The following DAB1 variants were observed in gnomAD, a reference collection of about 807,000 sequenced individuals.
The protein encoded by DAB1 is disabled homolog 1.
Under a neutral mutation model 64.6 loss-of-function variants are expected in DAB1, and 15 were observed. The observed-to-expected ratio is 0.23, with a 90% CI of 0.16 to 0.36. The LOEUF (loss-of-function observed/expected upper bound fraction) is 0.36, where lower values mean the gene tolerates loss of function less well. Among genes scored for constraint, DAB1 ranks in the 10% least tolerant of loss-of-function variants. The pLI, the probability that DAB1 is intolerant of heterozygous loss-of-function variation, is 1.00. For synonymous variants in DAB1, 235 were observed against 251.9 expected, an observed-to-expected ratio of 0.93 and a Z score of 0.64; for missense variants, 596 against 706.7, an observed-to-expected ratio of 0.84 and a Z score of 1.78.
chr1:57,242,030 T>C (rs1243213760), intron 2 of DAB1, among the ~76,000 whole-genome samples: 1 of 152,004 alleles, frequency 6.6e-6, no homozygotes, highest in African/African-American at 2.4e-5. Flanking sequence ...CATAGAAGAG[T>C]CTGTTTGAGT....
At chr1:58,300,606 AAGAAAGAGAGAGAGAGAGAG>A (rs1424436983) in intron 4 of DAB1, among the ~76,000 whole-genome samples, 31 of 37,996 alleles carry the variant, frequency 8.2e-4, no homozygotes, top group African/African-American at 1.6e-3. Flanking sequence ...GAAAGAAAGA[AAGAAAGAGAGAGAGAGAGAG>A]AGAGAGAGAG....
chr1:58,346,676 T>C (rs374742270), intron 3 of DAB1, among the ~76,000 whole-genome samples: 6 of 152,342 alleles, frequency 3.9e-5, no homozygotes, highest in African/African-American at 1.2e-4. Context: ...GTTCTAATGA[T>C]GAGAAGCTCA....
At position 58,128,869 on chromosome 1, in the gene DAB1, T is replaced by C. The variant is rs1235525182; in HGVS notation, n.387+21642A>G. ...CTGGATTTGTTTTGCTAGTATTTTATTGAGGATTTTTGCATCAATGTTCAT... is the reference window on the plus strand; with the variant it reads ...CTGGATTTGTTTTGCTAGTATTTTACTGAGGATTTTTGCATCAATGTTCAT... On this transcript the variant is annotated intron_variant and non_coding_transcript_variant, in intron 5 of 20. Coordinates refer to the DAB1 transcript ENST00000485760. Among the ~76,000 whole-genome samples the C allele has an allele frequency of 1.6e-4, 24 of 150,526 alleles. No homozygotes were observed. The East Asian group carries it at 2.8e-3, about 17-fold the overall frequency.
At chr1:58,277,688 A>T (rs1661482868) in intron 4 of DAB1, among the ~76,000 whole-genome samples, 1 of 152,304 alleles carries the variant, frequency 6.6e-6, no homozygotes, top group African/African-American at 2.4e-5. Flanking sequence ...GAGAGAGAAA[A>T]TATATAATTT....
At chr1:57,746,396 A>G (rs1240907025) in intron 6 of DAB1, among the ~76,000 whole-genome samples, 3 of 152,102 alleles carry the variant, frequency 2.0e-5, no homozygotes, top group African/African-American at 7.2e-5. Flanking sequence ...TTAAATACTC[A>G]CTAATCTGAT....
intron 6 of DAB1, among the ~76,000 whole-genome samples, chr1:57,760,260 T>C (rs1448004594): frequency 6.6e-6 from 1 of 152,144 alleles, no homozygotes; most frequent in African/African-American, 2.4e-5. Context: ...CCCAGATACA[T>C]GGTAATATCT....
At chr1:57,746,556 G>T (rs1397082869) in intron 6 of DAB1, among the ~76,000 whole-genome samples, 1 of 151,834 alleles carries the variant, frequency 6.6e-6, no homozygotes, top group Admixed American at 6.6e-5. Flanking sequence ...TTCTCCCTTG[G>T]TGTCTGCAGG....
chr1:58,097,395 A>G (rs1651050715), intron 5 of DAB1, among the ~76,000 whole-genome samples: 1 of 152,240 alleles, frequency 6.6e-6, no homozygotes, highest in Admixed American at 6.5e-5. Flanking sequence ...ACAAAAGGTA[A>G]GCCATTAATT....
At chr1:57,939,534 A>G (rs1395915270) in intron 5 of DAB1, among the ~76,000 whole-genome samples, 2 of 152,184 alleles carry the variant, frequency 1.3e-5, no homozygotes, top group South Asian at 2.1e-4. Context: ...TCAGCTCTCT[A>G]TTCTTGCTTT....
chr1:57,541,214 T>C (rs1038689577), intron 7 of DAB1, among the ~76,000 whole-genome samples: 20 of 151,798 alleles, frequency 1.3e-4, no homozygotes, highest in Non-Finnish European at 1.8e-4. Context: ...CTGCAAGCTC[T>C]GCCTCCCAGG....
chr1:57,016,935 C>T (rs1361441364), intron 11 of DAB1, among the ~76,000 whole-genome samples: 1 of 152,048 alleles, frequency 6.6e-6, no homozygotes, highest in Admixed American at 6.5e-5. Context: ...CAAGGAAAAG[C>T]AACTTGCTCA....
intron 7 of DAB1, among the ~76,000 whole-genome samples, chr1:57,463,984 G>C (rs1686874673): frequency 1.3e-5 from 2 of 152,144 alleles, no homozygotes; most frequent in South Asian, 4.1e-4. Flanking sequence ...GCTGCAAAGA[G>C]GGCCTGGTGT....
At chr1:57,149,372 A>G (rs1475975593) in intron 2 of DAB1, among the ~76,000 whole-genome samples, 2 of 152,038 alleles carry the variant, frequency 1.3e-5, no homozygotes, top group Non-Finnish European at 2.9e-5. Context: ...TCATATGGTA[A>G]CTCTATATTT....
At chr1:57,853,415 G>A (rs568079595) in intron 1 of DAB1, among the ~76,000 whole-genome samples, 8 of 152,284 alleles carry the variant, frequency 5.3e-5, no homozygotes, top group African/African-American at 1.7e-4. Flanking sequence ...TATATTTTGT[G>A]ATGTGATTCT....
chr1:57,170,343 C>T (rs755431908), intron 2 of DAB1, among the ~76,000 whole-genome samples: 29 of 152,112 alleles, frequency 1.9e-4, no homozygotes, highest in Non-Finnish European at 3.7e-4. Context: ...TTTCCTTTAA[C>T]ACTGCCTGCT....
At chr1:58,010,244 CTG>C (rs1003732983) in intron 5 of DAB1, among the ~76,000 whole-genome samples, 1 of 152,198 alleles carries the variant, frequency 6.6e-6, no homozygotes, top group Non-Finnish European at 1.5e-5. Context: ...GATGCAGACA[CTG>C]AGGCTCAAGG....
At chr1:58,345,303 A>G (rs1267212628) in intron 3 of DAB1, among the ~76,000 whole-genome samples, 1 of 152,150 alleles carries the variant, frequency 6.6e-6, no homozygotes, top group Non-Finnish European at 1.5e-5. Flanking sequence ...CCCCCATGCC[A>G]CCAATAACAT....
chr1:58,090,953 G>A (rs1174362814), intron 5 of DAB1, among the ~76,000 whole-genome samples: 1 of 152,224 alleles, frequency 6.6e-6, no homozygotes, highest in Non-Finnish European at 1.5e-5. Context: ...AGTCGGTTCA[G>A]TGCTACACAC....
intron 5 of DAB1, among the ~76,000 whole-genome samples, chr1:57,895,472 T>C (rs1644379453): frequency 6.6e-6 from 1 of 152,188 alleles, no homozygotes; most frequent in African/African-American, 2.4e-5. Context: ...AATCAACCAT[T>C]AGTGTATTGT....
Sources: allele counts gnomAD v4.1 joint callset (sites outside exome capture counted in the v4.1 genomes callset), GRCh38; gene constraint gnomAD v4.1.1; transcripts MANE v1.5; gene names NCBI Gene and HGNC (gene_info 2026-07-23, HGNC 2026-07-21).